The following SYNE2 variants were observed in gnomAD, a reference collection of about 807,000 sequenced individuals.
SYNE2 encodes spectrin repeat containing nuclear envelope protein 2.
SYNE2 carries 431 observed loss-of-function variants against 856.3 expected under a neutral mutation model. That is an observed-to-expected ratio of 0.50 (90% CI 0.47 to 0.55). The LOEUF (loss-of-function observed/expected upper bound fraction) is 0.55. Ranked by LOEUF, SYNE2 falls within the 20% of genes least tolerant of loss-of-function variation. The probability of loss-of-function intolerance (pLI) is 0.00; values close to 1 mark genes in which losing one functional copy is unlikely to be tolerated. For synonymous variants in SYNE2, 2,923 were observed against 2,872.3 expected (o/e 1.02, Z -0.56); for missense variants, 8,129 against 8,023.2 (o/e 1.01, Z -0.50).
intron 1 of SYNE2, among the ~76,000 whole-genome samples, chr14:63,870,841 A>G (rs1037078157): frequency 1.3e-5 from 2 of 152,024 alleles, no homozygotes; most frequent in Non-Finnish European, 2.9e-5. Context: ...CAAGATCAAC[A>G]CCCCAGGAAA....
intron 66 of SYNE2, among the ~76,000 whole-genome samples, chr14:64,115,059 G>A (rs1019407734): frequency 4.6e-5 from 7 of 152,170 alleles, no homozygotes; most frequent in Admixed American, 6.5e-5. Context: ...TCAACTCGAG[G>A]CAGTCCAGAT....
At chr14:64,056,373 T>C (rs549870895) in intron 49 of SYNE2, 107 bp downstream of exon 49, 1 of 1,056,290 alleles carries the variant, frequency 9.5e-7, no homozygotes, top group Non-Finnish European at 1.4e-6. Context: ...GGTTTTTTTC[T>C]CTGTCATTAA....
In SYNE2 at chr14:63,814,928, A is replaced by T. The variant is rs895610623; in HGVS notation, c.-304-37573A>T. Among the ~76,000 whole-genome samples the T allele has an allele frequency of 2.5e-5, 3 of 119,386 alleles. No homozygotes were observed. In the Admixed American group the frequency reaches 3.0e-4, roughly 12 times the overall value. The allele number at this position is 119,386 out of a possible 152,430, so 78.3% of individuals were successfully genotyped here. ...CATATATATCCATATATCTATCCATATATCTATCCATATATATCTATCCAT... is the reference window on the plus strand; with the variant it reads ...CATATATATCCATATATCTATCCATTTATCTATCCATATATATCTATCCAT... On this transcript the variant is annotated intron_variant, in intron 1 of 23. Transcript: ENST00000674003.
rs181100656 is a variant in SYNE2, at chr14:64,102,175, C to T, written c.12492+133C>T. ...TCTGTCGCCCAGACTGGAGTGCAGTCGTATGATCTCAGCTCACTGCAACCT... is the reference window on the plus strand; with the variant it reads ...TCTGTCGCCCAGACTGGAGTGCAGTTGTATGATCTCAGCTCACTGCAACCT... On this transcript the variant is annotated intron_variant, in intron 64 of 115. Coordinates refer to ENST00000555002, the MANE Select transcript of SYNE2 (RefSeq NM_182914.3). 3.5e-4 allele frequency: 236 copies of T among 673,930 alleles called. No individual in the cohort carries two copies. In the East Asian group the frequency reaches 6.4e-3, roughly 18 times the overall value. 41.7% of individuals were successfully genotyped at this position (673,930 alleles called of 1,614,324 possible).
intron 66 of SYNE2, among the ~76,000 whole-genome samples, chr14:64,119,075 A>T (rs1266943794): frequency 6.6e-6 from 1 of 152,174 alleles, no homozygotes; most frequent in African/African-American, 2.4e-5. Flanking sequence ...TTACACATCT[A>T]CTAAGTGGTA....
At chr14:63,875,828 C>G (rs994161010) in intron 1 of SYNE2, among the ~76,000 whole-genome samples, 2 of 152,082 alleles carry the variant, frequency 1.3e-5, no homozygotes. Flanking sequence ...GTGTATGGGC[C>G]GAAGGGAGGC....
chr14:64,183,657 C>T (rs1207150468), intron 96 of SYNE2, among the ~76,000 whole-genome samples: 1 of 152,224 alleles, frequency 6.6e-6, no homozygotes, highest in African/African-American at 2.4e-5. Flanking sequence ...ACTCCGTCTG[C>T]AATCCCGGCA....
chr14:64,081,562 C>T lies in SYNE2; in HGVS notation c.11466C>T (p.His3822=). ...ATGACTCTTTGAGGACACTGAGTCACCATGCTAGCACTGTGCAGGTAAGTG... is the reference window on the plus strand; with the variant it reads ...ATGACTCTTTGAGGACACTGAGTCATCATGCTAGCACTGTGCAGGTAAGTG... The part of the protein sequence containing the change: ...ADYDSLRTLS[H]HASTVQMALE... Residue 3822 remains histidine, a synonymous_variant, in exon 57 of 116, where the codon CAC becomes CAT. Coordinates refer to ENST00000555002, the MANE Select transcript of SYNE2 (RefSeq NM_182914.3). 2 of 1,614,074 alleles carry T rather than the reference C, an allele frequency of 1.2e-6. No individual in the cohort carries two copies. The highest frequency in any genetic ancestry group is 1.7e-6 in the Non-Finnish European group (2 of 1,179,980).
rs767980383 is a variant in SYNE2, at chr14:64,184,329, GGTGT to G, written c.17557-2064_17557-2061del. Among the ~76,000 whole-genome samples the G allele has an allele frequency of 3.9e-3, 559 of 144,236 alleles. 3 individuals are homozygous for G. Among genetic ancestry groups the G allele is most frequent in the African/African-American group, 9.6e-3 (369 of 38,412 alleles). The allele number at this position is 144,236 out of a possible 152,430, so 94.6% of individuals were successfully genotyped here. ...CAGAGAGCCACACTGTATGCATAGG[GGTGT>G]GTGTGTGTGTGTGTGTGTGTGTGTG... On this transcript the variant is annotated intron_variant, in intron 96 of 115. Coordinates refer to ENST00000555002, the MANE Select transcript of SYNE2 (RefSeq NM_182914.3).
intron 66 of SYNE2, among the ~76,000 whole-genome samples, chr14:64,115,064 C>A (rs1246060244): frequency 6.6e-6 from 1 of 152,148 alleles, no homozygotes; most frequent in Non-Finnish European, 1.5e-5. Context: ...TCGAGGCAGT[C>A]CAGATTTTGA....
At chr14:63,814,503 ATAAT>A (rs368421481) in intron 1 of SYNE2, among the ~76,000 whole-genome samples, 5 of 70,468 alleles carry the variant, frequency 7.1e-5, no homozygotes, top group Non-Finnish European at 3.1e-5. Flanking sequence ...ATCCATATAT[ATAAT>A]ATATATATCC....
At chr14:64,079,799 C>G (rs1189398834) in intron 55 of SYNE2, among the ~76,000 whole-genome samples, 2 of 152,160 alleles carry the variant, frequency 1.3e-5, no homozygotes, top group East Asian at 3.9e-4. Context: ...GCCTTGACCT[C>G]CCTGGCTCAA....
intron 45 of SYNE2, among the ~76,000 whole-genome samples, chr14:64,037,523 G>A (rs2097101382): frequency 6.6e-6 from 1 of 152,142 alleles, no homozygotes; most frequent in South Asian, 2.1e-4. Flanking sequence ...AGTCTCCCAT[G>A]TCTACTTCTT....
At chr14:64,183,240 G>A (rs1376148862) in intron 96 of SYNE2, among the ~76,000 whole-genome samples, 2 of 151,078 alleles carry the variant, frequency 1.3e-5, no homozygotes, top group African/African-American at 4.9e-5. Flanking sequence ...CTTCTCAGAC[G>A]GGGCGGCCGG....
At chr14:64,180,786 G>A (rs1322848233) in intron 96 of SYNE2, among the ~76,000 whole-genome samples, 1 of 152,142 alleles carries the variant, frequency 6.6e-6, no homozygotes, top group Non-Finnish European at 1.5e-5. Context: ...TTACAGGCCT[G>A]AGCCACCACA....
At position 64,162,112 on chromosome 14, in the gene SYNE2, A is replaced by G. The variant is rs201169831; in HGVS notation, c.16135A>G (p.Lys5379Glu). The G allele has an allele frequency of 4.3e-6, 7 of 1,614,190 alleles. No homozygotes were observed. The East Asian group carries it at 1.6e-4, about 36-fold the overall frequency. ...CCAAGCCATTGCAGACCAGTTGCAG[A>G]AGGCCCAGAGTCTGCTCCAGCTCTG... Reference protein sequence around the residue: ...VNQAIADQLQKAQSLLQLWKA... With the variant: ...VNQAIADQLQEAQSLLQLWKA... The change falls in exon 88 of 116, where the codon AAG (lysine) becomes GAG (glutamate). Residue 5379 changes from lysine (K) to glutamate (E), a missense_variant. By Grantham distance (56) the Lys-to-Glu change is moderately conservative (BLOSUM62 1). This residue lies in a region of SYNE2 where 5,410 missense variants were observed against 5,284.8 expected (regional missense o/e 1.02). Coordinates refer to ENST00000555002, the MANE Select transcript of SYNE2 (RefSeq NM_182914.3).
Position 64,098,143 on chromosome 14 carries a change from G to A in SYNE2, c.12303G>A (p.Arg4101=). The change falls in exon 62 of 116, where the codon CGG becomes CGA. Residue 4101 remains arginine, a synonymous_variant. Coordinates refer to ENST00000555002, the MANE Select transcript of SYNE2 (RefSeq NM_182914.3). ...GGVAERDASE[R]KLNRRGSMSY... is the part of the protein sequence containing the mutation. ...TGGCAGAGAGGGATGCTTCTGAGCG[G>A]AAGGTGGGTATGACTTTAGGTTAAT... The A allele has an allele frequency of 6.2e-7, 1 of 1,613,930 alleles. No homozygotes were observed. Among genetic ancestry groups the A allele is most frequent in the Non-Finnish European group, 8.5e-7 (1 of 1,179,914 alleles).
intron 1 of SYNE2, among the ~76,000 whole-genome samples, chr14:63,906,520 C>A (rs1326076487): frequency 1.3e-5 from 2 of 152,166 alleles, no homozygotes; most frequent in Non-Finnish European, 2.9e-5. Context: ...AGATTTCAAT[C>A]TCTTCCCAAT....
intron 57 of SYNE2, among the ~76,000 whole-genome samples, chr14:64,082,198 T>G (rs2097529760): frequency 6.6e-6 from 1 of 152,066 alleles, no homozygotes; most frequent in African/African-American, 2.4e-5. Flanking sequence ...AGAATAATAC[T>G]TGAATGTGGG....
Sources: allele counts gnomAD v4.1 joint callset (sites outside exome capture counted in the v4.1 genomes callset), GRCh38; gene constraint gnomAD v4.1.1; regional missense constraint gnomAD v4.1.1; transcripts MANE v1.5; gene names NCBI Gene and HGNC (gene_info 2026-07-23, HGNC 2026-07-21).